The following SLC44A5 variants were observed in gnomAD, a reference collection of about 807,000 sequenced individuals.
SLC44A5 encodes the protein solute carrier family 44 member 5.
In SLC44A5, 57 loss-of-function variants were observed where a neutral mutation model predicts 101.8. That is an observed-to-expected ratio of 0.56 (90% CI 0.45 to 0.70). SLC44A5 has a LOEUF of 0.70. SLC44A5 is among the 30% of genes least tolerant of loss of function. SLC44A5 has a pLI of 0.00. For missense variants in SLC44A5, 737 were observed against 853.1 expected (o/e 0.86, Z 1.70); for synonymous variants, 281 against 290.9 (o/e 0.97, Z 0.35).
chr1:75,430,092 G>A (rs1489558162), intron 2 of SLC44A5, among the ~76,000 whole-genome samples: 1 of 152,148 alleles, frequency 6.6e-6, no homozygotes, highest in Non-Finnish European at 1.5e-5. Context: ...ACATTTATGT[G>A]TTGGAAACTT....
intron 19 of SLC44A5, 145 bp from the exon 20 acceptor site, chr1:75,214,823 G>T: frequency 4.9e-6 from 3 of 614,186 alleles, no homozygotes. Flanking sequence ...GTATTTGTGG[G>T]ACACACTGTG....
intron 2 of SLC44A5, among the ~76,000 whole-genome samples, chr1:75,476,335 G>A (rs919057761): frequency 1.3e-5 from 2 of 152,196 alleles, no homozygotes; most frequent in East Asian, 3.9e-4. Context: ...CAGAAGATGG[G>A]TGATTTCTGC....
intron 23 of SLC44A5, among the ~76,000 whole-genome samples, chr1:75,209,368 C>G (rs1010812278): frequency 6.6e-6 from 1 of 152,164 alleles, no homozygotes; most frequent in Non-Finnish European, 1.5e-5. Context: ...CCAGTTATTG[C>G]TCCCATGGTT....
intron 4 of SLC44A5, among the ~76,000 whole-genome samples, chr1:75,310,139 A>G (rs139553202): frequency 6.6e-6 from 1 of 152,338 alleles, no homozygotes; most frequent in African/African-American, 2.4e-5. Context: ...TCTGTTAAGA[A>G]TTTGCTTGGC....
At chr1:75,452,451 T>A (rs1160640608) in intron 2 of SLC44A5, among the ~76,000 whole-genome samples, 1 of 152,174 alleles carries the variant, frequency 6.6e-6, no homozygotes, top group East Asian at 1.9e-4. Flanking sequence ...AACACACACT[T>A]AAGTACAGAG....
chr1:75,330,128 CACACA>C (rs1656915414), intron 4 of SLC44A5, among the ~76,000 whole-genome samples: 1 of 144,424 alleles, frequency 6.9e-6, no homozygotes, highest in African/African-American at 2.7e-5. Context: ...CACACACACA[CACACA>C]CACACACATG....
chr1:75,478,463 G>C (rs578133296), intron 2 of SLC44A5, among the ~76,000 whole-genome samples: 23 of 152,174 alleles, frequency 1.5e-4, no homozygotes, highest in Admixed American at 6.5e-4. Flanking sequence ...TGGCAAATTG[G>C]ATAAAGAGTC....
intron 6 of SLC44A5, among the ~76,000 whole-genome samples, chr1:75,270,015 T>C (rs1388751359): frequency 6.6e-6 from 1 of 152,110 alleles, no homozygotes; most frequent in Non-Finnish European, 1.5e-5. Context: ...TCTCATTCTG[T>C]CTTGTCTGCC....
chr1:75,214,569 CA>C, intron 20 of SLC44A5, 35 bp downstream of exon 20: 1 of 1,552,438 alleles, frequency 6.4e-7, no homozygotes, highest in Non-Finnish European at 8.9e-7. Context: ...AGGTTCACTA[CA>C]TTGTTAAATT....
intron 2 of SLC44A5, among the ~76,000 whole-genome samples, chr1:75,540,350 T>C (rs1268857734): frequency 6.6e-6 from 1 of 152,154 alleles, no homozygotes; most frequent in Non-Finnish European, 1.5e-5. Flanking sequence ...TAAGAGAAAA[T>C]GTCCTCTAAG....
chr1:75,219,945 T>G, intron 14 of SLC44A5, 53 bp from the exon 15 acceptor site: 2 of 1,194,680 alleles, frequency 1.7e-6, no homozygotes, highest in Non-Finnish European at 2.4e-6. Flanking sequence ...AAATAAGCTT[T>G]AGACTGAATT....
At chr1:75,654,288 C>A in the SLC44A5 span, among the ~76,000 whole-genome samples, 1 of 152,032 alleles carries the variant, frequency 6.6e-6, no homozygotes, top group Non-Finnish European at 1.5e-5. Context: ...CTATATAGTC[C>A]TTAAAGTTCT....
At chr1:75,540,261 T>C (rs187806169) in intron 2 of SLC44A5, among the ~76,000 whole-genome samples, 76 of 152,338 alleles carry the variant, frequency 5.0e-4, no homozygotes, top group African/African-American at 1.7e-3. Flanking sequence ...TGTTATTTTT[T>C]ACAGATGCGC....
intron 3 of SLC44A5, among the ~76,000 whole-genome samples, chr1:75,366,580 G>A (rs1659872075): frequency 6.6e-6 from 1 of 152,072 alleles, no homozygotes; most frequent in African/African-American, 2.4e-5. Flanking sequence ...CAAGATTTGG[G>A]ACGTTTTCAG....
At chr1:75,718,237 A>C in the SLC44A5 span, among the ~76,000 whole-genome samples, 1 of 152,216 alleles carries the variant, frequency 6.6e-6, no homozygotes. Context: ...CATTTAAGCA[A>C]TATTAACTGG....
chr1:75,328,072 A>G (rs1350268578), intron 4 of SLC44A5, among the ~76,000 whole-genome samples: 2 of 152,200 alleles, frequency 1.3e-5, no homozygotes, highest in East Asian at 3.9e-4. Context: ...GCCCCAGTCC[A>G]CAGAAACTAC....
At chr1:75,608,974 C>T (rs538123526) in intron 1 of SLC44A5, among the ~76,000 whole-genome samples, 1 of 151,596 alleles carries the variant, frequency 6.6e-6, no homozygotes, top group South Asian at 2.1e-4. Flanking sequence ...GTTTGTCTTC[C>T]CTATGTATAG....
chr1:75,618,903 C>A, the SLC44A5 span, among the ~76,000 whole-genome samples: 1 of 152,006 alleles, frequency 6.6e-6, no homozygotes, highest in African/African-American at 2.4e-5. Context: ...AACCCCATCT[C>A]CACAAAAAAT....
chr1:75,604,085 CCAAAGT>C (rs1675176676), intron 1 of SLC44A5, among the ~76,000 whole-genome samples: 1 of 151,746 alleles, frequency 6.6e-6, no homozygotes, highest in East Asian at 1.9e-4. Flanking sequence ...TAAATTTTTC[CCAAAGT>C]CAATGTCCAG....
Sources: gnomAD v4.1 joint callset for allele counts (sites outside exome capture counted in the v4.1 genomes callset) on GRCh38, gnomAD v4.1.1 for gene constraint, MANE v1.5 for transcripts, NCBI Gene and HGNC (gene_info 2026-07-23, HGNC 2026-07-21) for gene names.